ENTPD7: variants seen among roughly 807,000 people sequenced by gnomAD.
ENTPD7 encodes NTPDase 7.
A neutral mutation model predicts 77.9 loss-of-function variants in ENTPD7; 53 were observed. That is an observed-to-expected ratio of 0.68 (90% CI 0.55 to 0.85). The LOEUF (loss-of-function observed/expected upper bound fraction) is 0.85, where lower values mean the gene tolerates loss of function less well. Ranked by LOEUF, ENTPD7 falls within the 40% of genes least tolerant of loss-of-function variation. The pLI is 0.00. For synonymous variants in ENTPD7, 248 were observed against 274.9 expected (o/e 0.90, Z 0.97); for missense variants, 636 against 743.7 (o/e 0.86, Z 1.68).
chr10:99,690,629 G>A (rs1479005377), intron 7 of ENTPD7, among the ~76,000 whole-genome samples: 1 of 149,564 alleles, frequency 6.7e-6, no homozygotes, highest in East Asian at 2.0e-4. Flanking sequence ...TACAACCTCC[G>A]CCTGTCGGGT....
At position 99,659,805 on chromosome 10, in the gene ENTPD7, G is replaced by A. The variant is rs2035453504; in HGVS notation, c.-95-57G>A. 2 of 1,022,590 alleles carry A rather than the reference G, an allele frequency of 2.0e-6. No individual in the cohort carries two copies. Among genetic ancestry groups the A allele is most frequent in the Non-Finnish European group, 2.9e-6 (2 of 693,562 alleles). The allele number at this position is 1,022,590 out of a possible 1,614,324, so 63.3% of individuals were successfully genotyped here. ...AGGAGGTGGGAGCCGTGGAATTCCC[G>A]TGCAGGTTTGTCTCGTGGGCTCAGT... On this transcript the variant is annotated intron_variant, in intron 1 of 12. Coordinates refer to ENST00000370489, the MANE Select transcript of ENTPD7 (RefSeq NM_020354.5). This position sits in a 1 kb window ranked among gnomAD's most constrained non-coding sequence, Gnocchi z 4.1.
At chr10:99,694,054 T>TA (rs2035928380) in intron 8 of ENTPD7, among the ~76,000 whole-genome samples, 1 of 152,158 alleles carries the variant, frequency 6.6e-6, no homozygotes, top group South Asian at 2.1e-4. Context: ...GCCTAATATA[T>TA]TTTTTTGTAC....
intron 8 of ENTPD7, among the ~76,000 whole-genome samples, chr10:99,694,601 A>G (rs920356265): frequency 1.4e-5 from 2 of 147,856 alleles, no homozygotes; most frequent in African/African-American, 5.0e-5. Context: ...CCATGGCACG[A>G]TCTCGGCTCA....
rs201804217 is a variant in ENTPD7 at position 99,680,521 on chromosome 10, C to CT, written c.548+655dup. ...GCCGGGGGAAGAATGAGCTCCCTGACTTTTTTTTTAATGATTTTTATTTTA... is the reference window on the plus strand; with the variant it reads ...GCCGGGGGAAGAATGAGCTCCCTGACTTTTTTTTTTAATGATTTTTATTTTA... On this transcript the variant is annotated intron_variant, in intron 5 of 12. Transcript: ENST00000370489. Among the ~76,000 whole-genome samples, 68 of 151,274 alleles carry CT rather than the reference C, an allele frequency of 4.5e-4. No individual in the cohort carries two copies. In the Middle Eastern group the frequency reaches 0.024, roughly 53 times the overall value.
chr10:99,677,077 C>A (rs1312752010), intron 3 of ENTPD7, among the ~76,000 whole-genome samples: 1 of 152,112 alleles, frequency 6.6e-6, no homozygotes, highest in Non-Finnish European at 1.5e-5. Flanking sequence ...GTGAAATCAC[C>A]AATAAACACT....
chr10:99,695,939 T>G lies in ENTPD7; in HGVS notation c.844-17T>G. The G allele has an allele frequency of 1.3e-6, 2 of 1,582,580 alleles. No individual in the cohort carries two copies. The highest frequency in any genetic ancestry group is 1.7e-6 in the Non-Finnish European group (2 of 1,167,102). On this transcript the variant is annotated splice_polypyrimidine_tract_variant and intron_variant, in intron 8 of 12. Transcript: ENST00000370489. Reference sequence around the variant, plus strand: ...CCAAAACTAAAATTCCCTTTTTCTCTTGGTATTGTATTATAGGAAGAAGCT... The same window carrying G: ...CCAAAACTAAAATTCCCTTTTTCTCGTGGTATTGTATTATAGGAAGAAGCT...
chr10:99,684,053 AATTT>A (rs1008185633), intron 5 of ENTPD7, among the ~76,000 whole-genome samples: 2 of 152,030 alleles, frequency 1.3e-5, no homozygotes, highest in Non-Finnish European at 2.9e-5. Flanking sequence ...TTGTACTAGT[AATTT>A]ATTTATTTAT....
rs2035929202 is a variant in ENTPD7, at chr10:99,694,090, A to G, written c.844-1866A>G. On this transcript the variant is annotated intron_variant, in intron 8 of 12. Coordinates refer to ENST00000370489, the MANE Select transcript of ENTPD7 (RefSeq NM_020354.5). ...AACTCACAAAGTTATGTACATTCAC[A>G]AAGTTGTGCAGCCACCACTATTGAA... is the stretch of plus-strand genomic sequence containing the variant. 3.9e-5 allele frequency among the ~76,000 whole-genome samples: 6 copies of G among 152,298 alleles called. No individual in the cohort carries two copies. The South Asian group carries it at 1.2e-3, about 32-fold the overall frequency.
At chr10:99,683,824 G>T (rs577440034) in intron 5 of ENTPD7, among the ~76,000 whole-genome samples, 13 of 152,140 alleles carry the variant, frequency 8.5e-5, no homozygotes, top group Admixed American at 2.6e-4. Context: ...GCATGGCTGT[G>T]CCATAAGTTA....
chr10:99,661,385 C>T (rs753563154), intron 2 of ENTPD7, 61 bp from the exon 3 acceptor site: 155 of 1,425,388 alleles, frequency 1.1e-4, no homozygotes, highest in Admixed American at 1.4e-4. Context: ...AATTTTAAAA[C>T]GATATTTAAG....
intron 5 of ENTPD7, among the ~76,000 whole-genome samples, chr10:99,681,798 C>T (rs1340635770): frequency 6.6e-6 from 1 of 152,186 alleles, no homozygotes; most frequent in Non-Finnish European, 1.5e-5. Context: ...GGATGTTGAG[C>T]AACTTTTCAT....
At position 99,698,599 on chromosome 10, in the gene ENTPD7, G is replaced by T; in HGVS notation, c.1076G>T (p.Gly359Val). 1.9e-6 allele frequency: 3 copies of T among 1,614,182 alleles called. No homozygotes were observed. The highest frequency in any genetic ancestry group is 2.5e-6 in the Non-Finnish European group (3 of 1,180,034). The change falls in exon 10 of 13, where the codon GGA becomes GTA. Residue 359 changes from glycine to valine, a missense_variant. By Grantham distance (109) the Gly-to-Val change is moderately radical. This residue lies in a region of ENTPD7 where 486 missense variants were observed against 556.5 expected (regional missense o/e 0.87). Coordinates refer to ENST00000370489, the MANE Select transcript of ENTPD7 (RefSeq NM_020354.5). Reference protein sequence around the residue: ...NPFLDPCLPVGLTDVVERNSQ... With the variant: ...NPFLDPCLPVVLTDVVERNSQ... ...TTTCTGGATCCCTGCCTGCCAGTGGGACTCACAGATGTGGTGGAGAGGAAC... is the reference window on the plus strand; with the variant it reads ...TTTCTGGATCCCTGCCTGCCAGTGGTACTCACAGATGTGGTGGAGAGGAAC...
intron 5 of ENTPD7, among the ~76,000 whole-genome samples, chr10:99,681,193 C>G (rs2035748695): frequency 6.6e-6 from 1 of 152,156 alleles, no homozygotes; most frequent in African/African-American, 2.4e-5. Context: ...GGGCTCATAT[C>G]TCTTTGAGAT....
intron 2 of ENTPD7, 21 bp from the exon 3 acceptor site, chr10:99,661,419 GACTTAC>G: frequency 1.9e-6 from 3 of 1,571,030 alleles, no homozygotes; most frequent in Non-Finnish European, 1.7e-6. Context: ...AAATGTTTCA[GACTTAC>G]TAATGTTTGT....
In ENTPD7 at chr10:99,710,350, G is replaced by A. The variant is rs2036341227; in HGVS notation, c.*5667G>A. 6 of 985,252 alleles carry A rather than the reference G, an allele frequency of 6.1e-6. No individual in the cohort carries two copies. In the South Asian group the frequency reaches 2.3e-4, roughly 39 times the overall value. 61.0% of individuals were successfully genotyped at this position (985,252 alleles called of 1,614,324 possible). On this transcript the variant is annotated 3_prime_UTR_variant, in exon 13 of 13. Transcript: ENST00000370489. ...ATTCTCATTCCACAATTACCCTTTA[G>A]TTGAAGTCCTGAAGTACATGCCATG...
intron 3 of ENTPD7, among the ~76,000 whole-genome samples, chr10:99,678,975 T>C (rs1220964232): frequency 1.3e-5 from 2 of 151,390 alleles, no homozygotes; most frequent in African/African-American, 2.4e-5. Context: ...CAAGCTCTAA[T>C]GCTTGAAAAA....
In ENTPD7 at chr10:99,698,800, A is replaced by G; in HGVS notation, c.1277A>G (p.Glu426Gly). ...TTCTCTGAGTTTTTTTATTGTACAGAGGATGTGTTGCGCATTGGTGGCCGC... is the reference window on the plus strand; with the variant it reads ...TTCTCTGAGTTTTTTTATTGTACAGGGGATGTGTTGCGCATTGGTGGCCGC... ...YGFSEFFYCT[E>G]DVLRIGGRYH... The change falls in exon 10 of 13, where the codon GAG (glutamate) becomes GGG (glycine). Residue 426 changes from glutamate (E) to glycine (G), a missense_variant. Around this residue, in one of 3 missense-constraint regions of ENTPD7, gnomAD observed 486 missense variants for 556.5 expected, o/e 0.87. Coordinates refer to ENST00000370489, the MANE Select transcript of ENTPD7 (RefSeq NM_020354.5). 2 of 1,613,936 alleles carry G rather than the reference A, an allele frequency of 1.2e-6. No individual in the cohort carries two copies. The highest frequency in any genetic ancestry group is 1.7e-6 in the Non-Finnish European group (2 of 1,179,910).
intron 3 of ENTPD7, among the ~76,000 whole-genome samples, chr10:99,668,059 C>T (rs745550484): frequency 2.8e-4 from 43 of 151,060 alleles, no homozygotes; most frequent in Non-Finnish European, 5.2e-4. Context: ...CTTAGCCTCC[C>T]GAGTAGCTGG....
In ENTPD7 at chr10:99,710,943, T is replaced by C. The variant is rs2036362284; in HGVS notation, c.*6260T>C. Reference sequence around the variant, plus strand: ...GTAAGTGCAGAGAGACCTTTGAAAATATTAAGGGAAATCTATTTAATCCTA... The same window carrying C: ...GTAAGTGCAGAGAGACCTTTGAAAACATTAAGGGAAATCTATTTAATCCTA... On this transcript the variant is annotated 3_prime_UTR_variant, in exon 13 of 13. Coordinates refer to ENST00000370489, the MANE Select transcript of ENTPD7 (RefSeq NM_020354.5). 1.0e-6 allele frequency: 1 copy of C among 985,272 alleles called. No homozygotes were observed. Among genetic ancestry groups the C allele is most frequent in the African/African-American group, 1.7e-5 (1 of 57,240 alleles). The allele number at this position is 985,272 out of a possible 1,614,324, so 61.0% of individuals were successfully genotyped here.
Sources: gnomAD v4.1 joint callset for allele counts (sites outside exome capture counted in the v4.1 genomes callset) on GRCh38, gnomAD v4.1.1 for gene constraint, gnomAD v4.1.1 regional missense constraint, Gnocchi (gnomAD v3.1) non-coding constraint, MANE v1.5 for transcripts, NCBI Gene and HGNC (gene_info 2026-07-23, HGNC 2026-07-21) for gene names.